Variants in RIT2 observed in about 807,000 individuals in gnomAD.
The protein encoded by RIT2 is GTP-binding protein Rit2.
Under a neutral mutation model 23.7 loss-of-function variants are expected in RIT2, and 24 were observed. The ratio of observed to expected loss-of-function variants is 1.01; its 90% CI spans 0.73 to 1.43. The LOEUF is 1.43. Ranked by LOEUF, RIT2 falls within the 40% of genes most tolerant of loss-of-function variation. The pLI is 0.00. For missense variants in RIT2, 236 were observed against 266.9 expected (o/e 0.88, Z 0.81); for synonymous variants, 107 against 91.1 (o/e 1.17, Z -0.99).
At chr18:42,851,288 T>C (rs1374158452) in intron 4 of RIT2, among the ~76,000 whole-genome samples, 2 of 152,248 alleles carry the variant, frequency 1.3e-5, no homozygotes, top group Non-Finnish European at 2.9e-5. Flanking sequence ...TCACACAGAA[T>C]CTTGTCTAAT....
chr18:42,867,830 G>A (rs1287210324), intron 4 of RIT2, among the ~76,000 whole-genome samples: 6 of 152,168 alleles, frequency 3.9e-5, no homozygotes, highest in East Asian at 3.9e-4. Context: ...CTTCCTTCAC[G>A]ATTCTCAGCA....
In RIT2 at chr18:42,957,812, C is replaced by A. The variant is rs1008273226; in HGVS notation, c.234+16262G>T. On this transcript the variant is annotated intron_variant, in intron 3 of 4. Coordinates refer to ENST00000326695, the MANE Select transcript of RIT2 (RefSeq NM_002930.4). ...AAATTAATTAACTAATTAATTGATT[C>A]ATTAATTAATAATAATTTACTTAAA... Among the ~76,000 whole-genome samples, 8 of 152,190 alleles carry A rather than the reference C, an allele frequency of 5.3e-5. No individual in the cohort carries two copies. In the South Asian group the frequency reaches 1.7e-3, roughly 32 times the overall value.
At chr18:42,789,702 T>A (rs1239086062) in intron 4 of RIT2, among the ~76,000 whole-genome samples, 1 of 152,212 alleles carries the variant, frequency 6.6e-6, no homozygotes, top group Non-Finnish European at 1.5e-5. Flanking sequence ...CTGAATTCAT[T>A]TATTAAACTT....
chr18:42,971,053 C>T (rs1354786619), intron 3 of RIT2, among the ~76,000 whole-genome samples: 1 of 151,892 alleles, frequency 6.6e-6, no homozygotes, highest in Non-Finnish European at 1.5e-5. Context: ...CTTTGTATAA[C>T]ATTTTACTCA....
chr18:43,046,055 A>G (rs926922126), intron 1 of RIT2, among the ~76,000 whole-genome samples: 1 of 152,162 alleles, frequency 6.6e-6, no homozygotes, highest in African/African-American at 2.4e-5. Flanking sequence ...ATCTAAAGGC[A>G]ATGGCTAATA....
At chr18:43,052,981 C>T (rs1474534167) in intron 1 of RIT2, among the ~76,000 whole-genome samples, 2 of 151,852 alleles carry the variant, frequency 1.3e-5, no homozygotes, top group Non-Finnish European at 2.9e-5. Context: ...TTAAATGGGG[C>T]CCAGAGAGGT....
Position 42,783,878 on chromosome 18 carries a change from C to A in RIT2, c.427-40158G>T, listed in dbSNP as rs185201859. The stretch of plus-strand genomic sequence containing the variant: ...TGGAAGGTAAAATTTATATCAACTC[C>A]ATGATGGCAAGGTCATTTGTTATTC... On this transcript the variant is annotated intron_variant, in intron 4 of 4. Coordinates refer to ENST00000326695, the MANE Select transcript of RIT2 (RefSeq NM_002930.4). 4.2e-4 allele frequency among the ~76,000 whole-genome samples: 64 copies of A among 152,080 alleles called. 1 individual carries two copies. In the East Asian group the frequency reaches 0.012, roughly 29 times the overall value.
chr18:43,063,294 C>T (rs963989115), intron 1 of RIT2, among the ~76,000 whole-genome samples: 6 of 152,044 alleles, frequency 3.9e-5, no homozygotes, highest in Admixed American at 1.3e-4. Flanking sequence ...CACAGCCAAC[C>T]GTCAAAAGCA....
At chr18:42,813,167 A>G (rs1192101132) in intron 4 of RIT2, among the ~76,000 whole-genome samples, 1 of 152,206 alleles carries the variant, frequency 6.6e-6, no homozygotes, top group African/African-American at 2.4e-5. Context: ...GAATAAATAG[A>G]GAGTTTTTAC....
intron 4 of RIT2, among the ~76,000 whole-genome samples, chr18:42,884,452 A>G (rs887095426): frequency 6.6e-6 from 1 of 152,226 alleles, no homozygotes; most frequent in Non-Finnish European, 1.5e-5. Context: ...TTTCATGATG[A>G]TTGATAGATT....
At chr18:43,092,410 G>T (rs1437727296) in intron 1 of RIT2, among the ~76,000 whole-genome samples, 1 of 152,070 alleles carries the variant, frequency 6.6e-6, no homozygotes, top group Non-Finnish European at 1.5e-5. Context: ...AGACTACTTT[G>T]TGTGAAAAAT....
chr18:43,008,827 G>A (rs1598746549), intron 2 of RIT2, among the ~76,000 whole-genome samples: 1 of 151,648 alleles, frequency 6.6e-6, no homozygotes, highest in East Asian at 2.0e-4. Context: ...TAAAGAAGTA[G>A]TATCAATGTA....
chr18:42,939,930 T>TA (rs1909553828), intron 3 of RIT2, among the ~76,000 whole-genome samples: 1 of 152,034 alleles, frequency 6.6e-6, no homozygotes, highest in South Asian at 2.1e-4. Context: ...TTCATACATG[T>TA]ACACGGCAAT....
rs901113096 is a variant in RIT2 at position 42,745,942 on chromosome 18, A to G, written c.427-2222T>C. Among the ~76,000 whole-genome samples, 9 of 152,136 alleles carry G rather than the reference A, an allele frequency of 5.9e-5. 1 individual carries two copies. Among genetic ancestry groups the G allele is most frequent in the Admixed American group, 5.2e-4 (8 of 15,252 alleles). ...GTTACACTTATATTAATACAGCCTA[A>G]AGGCCCTTGTGGCTTGCAAATATTT... On this transcript the variant is annotated intron_variant, in intron 4 of 4. Coordinates refer to ENST00000326695, the MANE Select transcript of RIT2 (RefSeq NM_002930.4).
chr18:43,077,005 A>AG (rs1355438886), intron 1 of RIT2, among the ~76,000 whole-genome samples: 3 of 146,872 alleles, frequency 2.0e-5, no homozygotes, highest in Non-Finnish European at 4.5e-5. Flanking sequence ...CGGGAGGCTG[A>AG]GGCAGGAGAA....
chr18:43,029,599 G>A lies in RIT2; in HGVS notation c.160+4212C>T, dbSNP rs12326666. 7.5e-3 allele frequency among the ~76,000 whole-genome samples: 1,144 copies of A among 152,062 alleles called. 10 individuals carry two copies. Among genetic ancestry groups the A allele is most frequent in the African/African-American group, 0.026 (1,073 of 41,526 alleles). ...AGAAAAATTGGACTCTAGACAAGGA[G>A]ATATGATCAGCTCTCAGAGATAATG... On this transcript the variant is annotated intron_variant, in intron 2 of 4. Transcript: ENST00000326695.
At position 43,035,897 on chromosome 18, in the gene RIT2, C is replaced by T. The variant is rs548887871; in HGVS notation, c.104-2030G>A. Among the ~76,000 whole-genome samples, 280 of 152,326 alleles carry T rather than the reference C, an allele frequency of 1.8e-3. 1 individual carries two copies. Among genetic ancestry groups the T allele is most frequent in the Non-Finnish European group, 1.8e-3 (120 of 68,024 alleles). ...ATAAAATCTGTTCTTACCAATTTAA[C>T]TAGTCTCTGGCTCTGATTTTCTTTA... On this transcript the variant is annotated intron_variant, in intron 1 of 4. Transcript: ENST00000326695.
At chr18:42,771,339 T>C (rs1314667204) in intron 4 of RIT2, among the ~76,000 whole-genome samples, 1 of 152,204 alleles carries the variant, frequency 6.6e-6, no homozygotes, top group Non-Finnish European at 1.5e-5. Flanking sequence ...TTCTCTTTAA[T>C]ATTTGTTTTT....
At chr18:42,789,260 T>A (rs952943402) in intron 4 of RIT2, among the ~76,000 whole-genome samples, 1 of 152,170 alleles carries the variant, frequency 6.6e-6, no homozygotes, top group African/African-American at 2.4e-5. Flanking sequence ...AAAAATGGTG[T>A]TGACATTGTA....
Sources: gnomAD v4.1 joint callset for allele counts (sites outside exome capture counted in the v4.1 genomes callset) on GRCh38, gnomAD v4.1.1 for gene constraint, MANE v1.5 for transcripts, NCBI Gene and HGNC (gene_info 2026-07-23, HGNC 2026-07-21) for gene names.